The following RASA2 variants were observed in gnomAD, a reference collection of about 807,000 sequenced individuals.
The protein encoded by RASA2 is RAS p21 protein activator 2, also known as ras GTPase-activating protein 2.
Under a neutral mutation model 118.2 loss-of-function variants are expected in RASA2, and 155 were observed. The ratio of observed to expected loss-of-function variants is 1.31; its 90% CI spans 1.15 to 1.50. The LOEUF (loss-of-function observed/expected upper bound fraction) is 1.50. RASA2 is among the 40% of genes most tolerant of loss of function. The pLI, the probability that RASA2 is intolerant of heterozygous loss-of-function variation, is 0.00. For synonymous variants in RASA2, 353 were observed against 349.1 expected, an observed-to-expected ratio of 1.01 and a Z score of -0.12; for missense variants, 1,016 against 1,009.6, an observed-to-expected ratio of 1.01 and a Z score of -0.09.
intron 5 of RASA2, among the ~76,000 whole-genome samples, chr3:141,549,836 A>C (rs1269206951): frequency 6.6e-6 from 1 of 152,160 alleles, no homozygotes; most frequent in Non-Finnish European, 1.5e-5. Context: ...AAAAGTAAGA[A>C]AGTGCTAAAA....
intron 20 of RASA2, 111 bp from the exon 21 acceptor site, chr3:141,608,378 C>T: frequency 1.0e-6 from 1 of 989,160 alleles, no homozygotes; most frequent in Non-Finnish European, 1.5e-6. Flanking sequence ...ATCTTAGCAC[C>T]AGTTATCTAG....
chr3:141,490,735 C>T (rs970957121), intron 1 of RASA2, among the ~76,000 whole-genome samples: 1 of 152,160 alleles, frequency 6.6e-6, no homozygotes, highest in Non-Finnish European at 1.5e-5. Flanking sequence ...AGTGCTTGAG[C>T]TTAGAGGCTG....
Position 141,607,761 on chromosome 3 carries a change from G to GTC in RASA2, c.2016+2_2016+3insCT. Reference sequence around the variant, plus strand: ...AGAGAGCTCTTTCAACAAGAAAAATGTAAGTTATGTAAATAAATATTTAAA... The same window carrying GTC: ...AGAGAGCTCTTTCAACAAGAAAAATGTCTAAGTTATGTAAATAAATATTTAAA... On this transcript the variant is annotated splice_donor_variant, in intron 20 of 23. Transcript: ENST00000286364. LOFTEE classifies it high-confidence loss of function. 1 of 1,571,362 alleles carries GTC rather than the reference G, an allele frequency of 6.4e-7. No homozygotes were observed.
chr3:141,569,125 A>G (rs2082870795), intron 9 of RASA2, among the ~76,000 whole-genome samples: 1 of 152,172 alleles, frequency 6.6e-6, no homozygotes, highest in Admixed American at 6.5e-5. Flanking sequence ...TATATACAGC[A>G]CAAGAAAACG....
intron 19 of RASA2, among the ~76,000 whole-genome samples, chr3:141,595,514 A>T (rs2083351929): frequency 6.6e-6 from 1 of 152,256 alleles, no homozygotes; most frequent in South Asian, 2.1e-4. Flanking sequence ...CAGAAGGAGC[A>T]CATAATCCTA....
intron 4 of RASA2, among the ~76,000 whole-genome samples, chr3:141,533,607 A>T (rs750631007): frequency 6.6e-6 from 1 of 152,192 alleles, no homozygotes; most frequent in African/African-American, 2.4e-5. Context: ...CTTACCTTGA[A>T]TTGTCTCCCA....
chr3:141,546,617 A>G (rs960548737), intron 5 of RASA2, among the ~76,000 whole-genome samples: 2 of 152,194 alleles, frequency 1.3e-5, no homozygotes, highest in Admixed American at 1.3e-4. Flanking sequence ...TTAGTTAGCA[A>G]ATATTCTCCC....
At chr3:141,565,525 C>G (rs545761173) in intron 9 of RASA2, among the ~76,000 whole-genome samples, 1 of 152,144 alleles carries the variant, frequency 6.6e-6, no homozygotes, top group Admixed American at 6.5e-5. Context: ...CGGGTGGTTT[C>G]AAATCCCCAT....
At chr3:141,522,155 T>C (rs2082120585) in intron 3 of RASA2, among the ~76,000 whole-genome samples, 1 of 152,168 alleles carries the variant, frequency 6.6e-6, no homozygotes, top group African/African-American at 2.4e-5. Context: ...TCACATTTAT[T>C]CTCATTGTAC....
intron 19 of RASA2, 123 bp from the exon 20 acceptor site, chr3:141,607,555 T>C (rs1256991802): frequency 9.9e-7 from 1 of 1,012,970 alleles, no homozygotes; most frequent in South Asian, 3.4e-5. Flanking sequence ...TTGTAAGTCT[T>C]CTGTAGGTTA....
intron 3 of RASA2, among the ~76,000 whole-genome samples, chr3:141,528,621 C>CT (rs1350715651): frequency 6.6e-6 from 1 of 151,644 alleles, no homozygotes; most frequent in Non-Finnish European, 1.5e-5. Flanking sequence ...TGGTGGGGGC[C>CT]TTAATATATT....
At position 141,550,131 on chromosome 3, in the gene RASA2, AG is replaced by A. The variant is rs532546728; in HGVS notation, c.528-3722del. Among the ~76,000 whole-genome samples the A allele has an allele frequency of 1.1e-3, 172 of 152,320 alleles. 1 individual carries two copies. The highest frequency in any genetic ancestry group is 3.9e-3 in the African/African-American group (161 of 41,592). On this transcript the variant is annotated intron_variant, in intron 5 of 23. Coordinates refer to ENST00000286364, the MANE Select transcript of RASA2 (RefSeq NM_006506.5). Reference sequence around the variant, plus strand: ...CAAACATCACAATAATAAGTGGGTGAGGGGACAATTCAAAAAATCATCTATG... The same window carrying A: ...CAAACATCACAATAATAAGTGGGTGAGGGACAATTCAAAAAATCATCTATG...
Position 141,553,907 on chromosome 3 carries a change from C to T in RASA2, c.578C>T (p.Pro193Leu), listed in dbSNP as rs1375397796. 3 of 1,612,404 alleles carry T rather than the reference C, an allele frequency of 1.9e-6. No individual in the cohort carries two copies. The highest frequency in any genetic ancestry group is 1.7e-5 in the Admixed American group (1 of 59,914). Residue 193 changes from proline to leucine, a missense_variant, in exon 6 of 24, where the codon CCT becomes CTT. By Grantham distance (98) the Pro-to-Leu change is moderately conservative. Around this residue, in one of 2 missense-constraint regions of RASA2, gnomAD observed 896 missense variants for 836.4 expected, o/e 1.07. Transcript: ENST00000286364. Reference protein sequence around the residue: ...LPLINGQSCDPYATVSLVGPS... With the variant: ...LPLINGQSCDLYATVSLVGPS... ...CTCATAAATGGCCAAAGCTGTGACC[C>T]TTATGCAACAGTTTCTCTAGTGGGC...
chr3:141,554,422 A>G (rs1282010080), intron 6 of RASA2, among the ~76,000 whole-genome samples: 2 of 152,200 alleles, frequency 1.3e-5, no homozygotes, highest in Non-Finnish European at 2.9e-5. Context: ...CTGTAGAAAA[A>G]CTGCTGAAGT....
At chr3:141,606,582 T>C (rs2083552661) in intron 19 of RASA2, among the ~76,000 whole-genome samples, 1 of 152,172 alleles carries the variant, frequency 6.6e-6, no homozygotes, top group Non-Finnish European at 1.5e-5. Flanking sequence ...TAATAGACAT[T>C]CAGTATATGA....
At chr3:141,592,075 G>T (rs1205166220) in intron 19 of RASA2, among the ~76,000 whole-genome samples, 3 of 151,908 alleles carry the variant, frequency 2.0e-5, no homozygotes, top group Non-Finnish European at 4.4e-5. Context: ...GTAAAAAAAA[G>T]AAAATTATAT....
intron 4 of RASA2, among the ~76,000 whole-genome samples, chr3:141,533,959 A>T (rs905593094): frequency 1.3e-5 from 2 of 152,166 alleles, no homozygotes; most frequent in African/African-American, 4.8e-5. Flanking sequence ...AGCTTTTGAT[A>T]CTGGTGACCA....
chr3:141,531,663 A>G (rs1049046098), intron 4 of RASA2, among the ~76,000 whole-genome samples: 3 of 151,978 alleles, frequency 2.0e-5, no homozygotes, highest in Non-Finnish European at 4.4e-5. Context: ...ATTTTGTACA[A>G]GTTATTTTCA....
At chr3:141,552,894 G>A (rs6775251) in intron 5 of RASA2, among the ~76,000 whole-genome samples, 1 of 151,996 alleles carries the variant, frequency 6.6e-6, no homozygotes, top group Non-Finnish European at 1.5e-5. Flanking sequence ...GTTTCTCTTA[G>A]GCATTAGAAA....
Sources: allele counts gnomAD v4.1 joint callset (sites outside exome capture counted in the v4.1 genomes callset), GRCh38; gene constraint gnomAD v4.1.1; regional missense constraint gnomAD v4.1.1; transcripts MANE v1.5; gene names NCBI Gene and HGNC (gene_info 2026-07-23, HGNC 2026-07-21).